The following TTC28 variants were observed in gnomAD, a reference collection of about 807,000 sequenced individuals.
TTC28 encodes tetratricopeptide repeat protein 28.
A neutral mutation model predicts 198.0 loss-of-function variants in TTC28; 61 were observed. The observed-to-expected ratio is 0.31, with a 90% CI of 0.25 to 0.38. The LOEUF is 0.38. TTC28 is among the 10% of genes least tolerant of loss of function. TTC28 has a pLI of 1.00. For synonymous variants in TTC28, 1,171 were observed against 1,297.8 expected (o/e 0.90, Z 2.10); for missense variants, 2,678 against 3,164.0 (o/e 0.85, Z 3.69).
intron 6 of TTC28, among the ~76,000 whole-genome samples, chr22:28,149,578 A>G (rs1053925826): frequency 3.9e-5 from 6 of 152,240 alleles, no homozygotes; most frequent in African/African-American, 9.6e-5. Context: ...ACATGAACAC[A>G]TACATTAGCC....
chr22:28,654,871 T>C (rs1341589037), intron 1 of TTC28, among the ~76,000 whole-genome samples: 1 of 152,220 alleles, frequency 6.6e-6, no homozygotes, highest in Non-Finnish European at 1.5e-5. Context: ...CTACTTAATA[T>C]GTTCCTCTAA....
intron 21 of TTC28, chr22:27,986,198 C>CATGATAGT (rs1937209993): frequency 6.6e-6 from 1 of 152,148 alleles, no homozygotes; most frequent in African/African-American, 2.4e-5. Context: ...GATTGGTTCG[C>CATGATAGT]ATGATAGTGA....
chr22:28,460,032 G>C (rs983206132), intron 2 of TTC28: 2 of 152,024 alleles, frequency 1.3e-5, no homozygotes, highest in Non-Finnish European at 2.9e-5. Flanking sequence ...TTTATTTTAC[G>C]TGTATTTTAC....
At position 27,989,873 on chromosome 22, in the gene TTC28, C is replaced by T; in HGVS notation, c.5707+5G>A. Reference sequence around the variant, plus strand: ...ACCCATTTAAGTCAAGGATTCTCTGCCTACCTAGAGCTGCCAGGAACTCGT... The same window carrying T: ...ACCCATTTAAGTCAAGGATTCTCTGTCTACCTAGAGCTGCCAGGAACTCGT... On this transcript the variant is annotated splice_donor_5th_base_variant and intron_variant, in intron 21 of 22. Coordinates refer to ENST00000397906, the MANE Select transcript of TTC28 (RefSeq NM_001145418.2). 6.5e-7 allele frequency: 1 copy of T among 1,548,546 alleles called. No homozygotes were observed. Among genetic ancestry groups the T allele is most frequent in the Non-Finnish European group, 8.7e-7 (1 of 1,144,784 alleles).
rs1937088906 is a variant in TTC28, at chr22:27,983,323, A to G, written c.6344T>C (p.Ile2115Thr). ...TTGGAAGGGTGAGTTGGGGCTGGGA[A>G]TCAGAGTCATTTTCACTGGAGAATT... ...TPNSPVKMTL[I>T]PSPNSPFQKV... The change falls in exon 23 of 23, where the codon ATT (isoleucine) becomes ACT (threonine). Residue 2115 changes from isoleucine to threonine, a missense_variant. Physicochemically the swap from Ile to Thr is moderately conservative, Grantham distance 89. Coordinates refer to ENST00000397906, the MANE Select transcript of TTC28 (RefSeq NM_001145418.2). 2 of 1,551,972 alleles carry G rather than the reference A, an allele frequency of 1.3e-6. No individual in the cohort carries two copies.
chr22:28,279,688 A>G (rs1412852386), intron 5 of TTC28, among the ~76,000 whole-genome samples: 1 of 152,190 alleles, frequency 6.6e-6, no homozygotes, highest in Non-Finnish European at 1.5e-5. Flanking sequence ...GAGTTTTGAC[A>G]CACACATACA....
chr22:28,046,850 T>C (rs942326957), intron 12 of TTC28, among the ~76,000 whole-genome samples: 5 of 152,216 alleles, frequency 3.3e-5, no homozygotes, highest in Admixed American at 2.6e-4. Context: ...TGTGTGGATA[T>C]ACGTGCATGT....
At chr22:28,585,048 T>G (rs1034242911) in intron 2 of TTC28, among the ~76,000 whole-genome samples, 1 of 152,134 alleles carries the variant, frequency 6.6e-6, no homozygotes. Flanking sequence ...GTGAGAGAAT[T>G]TGAAATAAGG....
intron 12 of TTC28, among the ~76,000 whole-genome samples, chr22:28,058,468 A>G (rs1940382511): frequency 6.6e-6 from 1 of 152,074 alleles, no homozygotes; most frequent in African/African-American, 2.4e-5. Flanking sequence ...TTAATGTTAA[A>G]CCAGCCTTAT....
intron 1 of TTC28, among the ~76,000 whole-genome samples, chr22:28,643,864 A>G (rs1485583663): frequency 2.0e-5 from 3 of 152,208 alleles, no homozygotes; most frequent in Non-Finnish European, 4.4e-5. Flanking sequence ...TAAGTACTTT[A>G]CATATGTTAG....
At chr22:28,244,434 T>A (rs1929927182) in intron 5 of TTC28, among the ~76,000 whole-genome samples, 1 of 152,180 alleles carries the variant, frequency 6.6e-6, no homozygotes, top group African/African-American at 2.4e-5. Context: ...GTATCTTGAT[T>A]TTCTAATCAG....
chr22:28,261,670 A>G (rs1931330424), intron 5 of TTC28, among the ~76,000 whole-genome samples: 1 of 152,170 alleles, frequency 6.6e-6, no homozygotes, highest in African/African-American at 2.4e-5. Context: ...TGATTAACAA[A>G]ATGCCTTAGC....
chr22:28,649,895 T>C (rs1249699869), intron 1 of TTC28, among the ~76,000 whole-genome samples: 1 of 152,196 alleles, frequency 6.6e-6, no homozygotes, highest in African/African-American at 2.4e-5. Context: ...TCAGCTCTTA[T>C]GATAAATAAT....
chr22:28,386,827 T>C (rs1015942505), intron 2 of TTC28, among the ~76,000 whole-genome samples: 3 of 150,802 alleles, frequency 2.0e-5, no homozygotes, highest in African/African-American at 7.3e-5. Context: ...TTTTTGTTTT[T>C]TTGTTTTGTT....
At chr22:28,207,100 C>T (rs911876464) in intron 5 of TTC28, among the ~76,000 whole-genome samples, 3 of 151,814 alleles carry the variant, frequency 2.0e-5, no homozygotes, top group African/African-American at 7.3e-5. Context: ...GATTATCTAT[C>T]ACCAAGGTTA....
At chr22:28,424,228 TAAAC>T (rs889064921) in intron 2 of TTC28, among the ~76,000 whole-genome samples, 2 of 152,148 alleles carry the variant, frequency 1.3e-5, no homozygotes, top group African/African-American at 4.8e-5. Flanking sequence ...ACTCCCACAA[TAAAC>T]AAACAAATAA....
At chr22:28,613,341 T>A (rs186945025) in intron 2 of TTC28, among the ~76,000 whole-genome samples, 4 of 152,266 alleles carry the variant, frequency 2.6e-5, no homozygotes, top group Admixed American at 2.6e-4. Context: ...CAGGACCAGA[T>A]GGATTCACAG....
chr22:28,413,665 T>C (rs1298872970), intron 2 of TTC28, among the ~76,000 whole-genome samples: 1 of 152,124 alleles, frequency 6.6e-6, no homozygotes, highest in African/African-American at 2.4e-5. Context: ...ATGCCTTACA[T>C]TTAAAAACAC....
intron 2 of TTC28, among the ~76,000 whole-genome samples, chr22:28,602,787 A>G (rs1460348117): frequency 6.6e-6 from 1 of 152,240 alleles, no homozygotes; most frequent in Non-Finnish European, 1.5e-5. Context: ...TTATTTCAAA[A>G]TAAGAAGGTA....
Sources: allele counts gnomAD v4.1 joint callset (sites outside exome capture counted in the v4.1 genomes callset), GRCh38; gene constraint gnomAD v4.1.1; transcripts MANE v1.5; gene names NCBI Gene and HGNC (gene_info 2026-07-23, HGNC 2026-07-21).